CFAP299: variants seen among roughly 807,000 people sequenced by gnomAD.
CFAP299 encodes the protein cilia and flagella associated protein 299.
Under a neutral mutation model 27.0 loss-of-function variants are expected in CFAP299, and 21 were observed. That is an observed-to-expected ratio of 0.78 (90% CI 0.55 to 1.12). The LOEUF (loss-of-function observed/expected upper bound fraction) is 1.12. CFAP299 is among the 50% of genes most tolerant of loss of function. The pLI, the probability that CFAP299 is intolerant of heterozygous loss-of-function variation, is 0.00. For missense variants in CFAP299, 310 were observed against 276.6 expected, an observed-to-expected ratio of 1.12 and a Z score of -0.86; for synonymous variants, 104 against 98.1, an observed-to-expected ratio of 1.06 and a Z score of -0.36.
At chr4:80,443,050 T>C (rs1260689923) in intron 2 of CFAP299, among the ~76,000 whole-genome samples, 1 of 152,166 alleles carries the variant, frequency 6.6e-6, no homozygotes, top group Non-Finnish European at 1.5e-5. Context: ...GTTAATAGCC[T>C]ACCAAACAAA....
intron 5 of CFAP299, 26 bp downstream of exon 5, chr4:80,944,965 G>T: frequency 6.3e-7 from 1 of 1,597,220 alleles, no homozygotes; most frequent in South Asian, 1.1e-5. Context: ...CACTTAGTTA[G>T]TTACCTCTTC....
chr4:80,642,628 G>A (rs1274241695), intron 3 of CFAP299, among the ~76,000 whole-genome samples: 1 of 152,076 alleles, frequency 6.6e-6, no homozygotes, highest in Non-Finnish European at 1.5e-5. Context: ...GCTGGGTGTG[G>A]TGGCACGTGC....
intron 3 of CFAP299, among the ~76,000 whole-genome samples, chr4:80,652,888 G>A (rs745976025): frequency 6.6e-6 from 1 of 152,044 alleles, no homozygotes; most frequent in African/African-American, 2.4e-5. Context: ...CAAAGTTGAC[G>A]TGCCTATGCC....
intron 2 of CFAP299, among the ~76,000 whole-genome samples, chr4:80,514,453 G>C (rs1732480736): frequency 6.6e-6 from 1 of 152,026 alleles, no homozygotes; most frequent in African/African-American, 2.4e-5. Context: ...TCTTAAAATA[G>C]TTTTAAAAGT....
chr4:80,550,195 T>G (rs1254642323), intron 2 of CFAP299, among the ~76,000 whole-genome samples: 1 of 152,164 alleles, frequency 6.6e-6, no homozygotes, highest in African/African-American at 2.4e-5. Context: ...AGATTTTATT[T>G]ATCAATTCCA....
chr4:80,854,928 A>G (rs1731757131), intron 3 of CFAP299, among the ~76,000 whole-genome samples: 1 of 152,018 alleles, frequency 6.6e-6, no homozygotes, highest in Non-Finnish European at 1.5e-5. Context: ...TAAACAACTG[A>G]ACAATTCTGA....
intron 3 of CFAP299, among the ~76,000 whole-genome samples, chr4:80,863,487 C>A (rs1257727995): frequency 1.3e-5 from 2 of 152,118 alleles, no homozygotes; most frequent in African/African-American, 4.8e-5. Context: ...GTCTTTTCAA[C>A]TAACATTGGT....
At chr4:80,863,022 A>G (rs1461288804) in intron 3 of CFAP299, among the ~76,000 whole-genome samples, 2 of 152,094 alleles carry the variant, frequency 1.3e-5, no homozygotes, top group African/African-American at 2.4e-5. Flanking sequence ...TTAATGATTC[A>G]TTAGCGCATT....
At chr4:80,729,355 C>T (rs932361053) in intron 3 of CFAP299, among the ~76,000 whole-genome samples, 1 of 152,172 alleles carries the variant, frequency 6.6e-6, no homozygotes, top group Non-Finnish European at 1.5e-5. Context: ...TCCTACTATT[C>T]ATGCACTTAG....
intron 2 of CFAP299, among the ~76,000 whole-genome samples, chr4:80,441,582 T>A (rs1228521574): frequency 6.6e-6 from 1 of 152,164 alleles, no homozygotes; most frequent in African/African-American, 2.4e-5. Flanking sequence ...GAAAAACCAT[T>A]ACCAGCCACT....
At chr4:80,794,742 T>C (rs756738994) in intron 3 of CFAP299, among the ~76,000 whole-genome samples, 18 of 152,192 alleles carry the variant, frequency 1.2e-4, no homozygotes, top group Non-Finnish European at 2.2e-4. Flanking sequence ...AGAAGCATTG[T>C]GTGCAAGATA....
chr4:80,528,218 T>G (rs1195510084), intron 2 of CFAP299, among the ~76,000 whole-genome samples: 1 of 152,158 alleles, frequency 6.6e-6, no homozygotes, highest in East Asian at 1.9e-4. Context: ...TTATAATTCT[T>G]CTAACCCTTT....
chr4:80,859,153 C>T lies in CFAP299; in HGVS notation c.334-10840C>T, dbSNP rs191988066. On this transcript the variant is annotated intron_variant, in intron 3 of 5. Coordinates refer to ENST00000358105, the MANE Select transcript of CFAP299 (RefSeq NM_152770.3). ...CTCTTCTTGTTGAATTGATCCCTTTCCCATTATGTAATGGTCTTCTTTGTC... is the reference window on the plus strand; with the variant it reads ...CTCTTCTTGTTGAATTGATCCCTTTTCCATTATGTAATGGTCTTCTTTGTC... Among the ~76,000 whole-genome samples, 53 of 152,180 alleles carry T rather than the reference C, an allele frequency of 3.5e-4. 1 individual carries two copies. The highest frequency in any genetic ancestry group is 1.2e-3 in the African/African-American group (51 of 41,536).
intron 2 of CFAP299, among the ~76,000 whole-genome samples, chr4:80,411,594 A>T (rs1726724504): frequency 6.6e-6 from 1 of 152,080 alleles, no homozygotes; most frequent in South Asian, 2.1e-4. Context: ...AATATAATAT[A>T]TAGCAACCCG....
intron 4 of CFAP299, among the ~76,000 whole-genome samples, chr4:80,904,518 C>T (rs1250563833): frequency 1.3e-5 from 2 of 151,886 alleles, no homozygotes; most frequent in Non-Finnish European, 2.9e-5. Context: ...ATGTTCTTTT[C>T]CTCTTTATTT....
At chr4:80,734,980 C>A (rs1261754361) in intron 3 of CFAP299, among the ~76,000 whole-genome samples, 2 of 152,056 alleles carry the variant, frequency 1.3e-5, no homozygotes, top group African/African-American at 4.8e-5. Context: ...TTTTCTATTT[C>A]TGTGAAAAAT....
chr4:80,542,254 C>T (rs1397993010), intron 2 of CFAP299, among the ~76,000 whole-genome samples: 1 of 152,142 alleles, frequency 6.6e-6, no homozygotes, highest in Non-Finnish European at 1.5e-5. Context: ...AACCCTGCTA[C>T]CAGCTTTTTT....
At chr4:80,801,183 T>C (rs570771129) in intron 3 of CFAP299, among the ~76,000 whole-genome samples, 19 of 150,770 alleles carry the variant, frequency 1.3e-4, no homozygotes, top group African/African-American at 4.7e-4. Flanking sequence ...CATCACACTA[T>C]GGTTTTTTTT....
Position 80,667,117 on chromosome 4 carries a change from T to TA in CFAP299, c.333+83935dup, listed in dbSNP as rs529753614. ...TTAATTTTCCCATCACATAAGTCAC[T>TA]ACCTTTGTTCAGCCATTCTTTATCC... On this transcript the variant is annotated intron_variant, in intron 3 of 5. Coordinates refer to ENST00000358105, the MANE Select transcript of CFAP299 (RefSeq NM_152770.3). Among the ~76,000 whole-genome samples the TA allele has an allele frequency of 1.8e-4, 28 of 152,336 alleles. No homozygotes were observed. The East Asian group carries it at 4.6e-3, about 25-fold the overall frequency.
Sources: allele counts gnomAD v4.1 joint callset (sites outside exome capture counted in the v4.1 genomes callset), GRCh38; gene constraint gnomAD v4.1.1; transcripts MANE v1.5; gene names NCBI Gene and HGNC (gene_info 2026-07-23, HGNC 2026-07-21).